The following FNIP1 variants were observed in gnomAD, a reference collection of about 807,000 sequenced individuals.
FNIP1 encodes the protein folliculin interacting protein 1.
A neutral mutation model predicts 124.5 loss-of-function variants in FNIP1; 40 were observed. The observed-to-expected ratio is 0.32, with a 90% confidence interval of 0.25 to 0.42. The LOEUF is 0.42. Among genes scored for constraint, FNIP1 ranks in the 10% least tolerant of loss-of-function variants. The pLI, the probability that FNIP1 is intolerant of heterozygous loss-of-function variation, is 1.00. For synonymous variants in FNIP1, 472 were observed against 470.6 expected (o/e 1.00, Z -0.04); for missense variants, 1,176 against 1,403.7 (o/e 0.84, Z 2.59).
Position 131,671,867 on chromosome 5 carries a change from A to T in FNIP1, c.2577T>A (p.Asp859Glu). The T allele has an allele frequency of 6.2e-7, 1 of 1,614,084 alleles. No homozygotes were observed. The highest frequency in any genetic ancestry group is 8.5e-7 in the Non-Finnish European group (1 of 1,180,020). The change falls in exon 14 of 18, where the codon GAT becomes GAA. Residue 859 changes from aspartate to glutamate, a missense_variant. Transcript: ENST00000510461. Reference sequence around the variant, plus strand: ...CTAACATACAGCAATGGTCTTTACTATCTGTACTTGTTTTAAATGGAACAT... The same window carrying T: ...CTAACATACAGCAATGGTCTTTACTTTCTGTACTTGTTTTAAATGGAACAT... ...IDDVPFKTST[D>E]SKDHCCMLEF...
At chr5:131,688,393 T>C (rs796635761) in intron 11 of FNIP1, among the ~76,000 whole-genome samples, 9 of 151,766 alleles carry the variant, frequency 5.9e-5, no homozygotes, top group African/African-American at 2.2e-4. Flanking sequence ...TAGGTTAATA[T>C]AAAACTTCAT....
chr5:131,650,996 G>A (rs576290629), intron 16 of FNIP1, among the ~76,000 whole-genome samples: 1 of 152,212 alleles, frequency 6.6e-6, no homozygotes, highest in Admixed American at 6.5e-5. Context: ...CAAAAATTCT[G>A]GCTGCTGAAA....
rs544702577 is a variant in FNIP1, at chr5:131,792,451, G to A, written c.92+4379C>T. ...GCTGGGATTACAGGCATGAGCCACC[G>A]TGCCCAGCCACAATTGGCACTTTTT... On this transcript the variant is annotated intron_variant, in intron 1 of 17. Transcript: ENST00000510461. 7.9e-5 allele frequency among the ~76,000 whole-genome samples: 12 copies of A among 152,230 alleles called. No individual in the cohort carries two copies. The South Asian group carries it at 1.5e-3, about 18-fold the overall frequency.
At chr5:131,683,235 C>T (rs1768148236) in intron 11 of FNIP1, among the ~76,000 whole-genome samples, 1 of 151,960 alleles carries the variant, frequency 6.6e-6, no homozygotes, top group African/African-American at 2.4e-5. Flanking sequence ...TGCTCAAATC[C>T]CTTATGAAAT....
intron 13 of FNIP1, among the ~76,000 whole-genome samples, chr5:131,675,369 G>C (rs1335376689): frequency 6.6e-6 from 1 of 152,116 alleles, no homozygotes; most frequent in East Asian, 1.9e-4. Flanking sequence ...GACTTCTTGA[G>C]GGCAATTTCC....
intron 11 of FNIP1, among the ~76,000 whole-genome samples, chr5:131,692,934 G>A (rs562551080): frequency 6.6e-6 from 1 of 151,938 alleles, no homozygotes; most frequent in African/African-American, 2.4e-5. Flanking sequence ...CTTGAACCCA[G>A]GAGGTGGAAG....
intron 1 of FNIP1, among the ~76,000 whole-genome samples, chr5:131,767,658 A>T (rs1771484140): frequency 6.6e-6 from 1 of 152,242 alleles, no homozygotes; most frequent in African/African-American, 2.4e-5. Flanking sequence ...ACTTTGCTAA[A>T]CAAGTGAGTA....
At chr5:131,765,856 T>C (rs1248937293) in intron 1 of FNIP1, among the ~76,000 whole-genome samples, 1 of 152,214 alleles carries the variant, frequency 6.6e-6, no homozygotes, top group African/African-American at 2.4e-5. Context: ...TTTTGTCACA[T>C]AAATTTTCAT....
chr5:131,776,429 T>C (rs140787878), intron 1 of FNIP1, among the ~76,000 whole-genome samples: 2 of 152,288 alleles, frequency 1.3e-5, no homozygotes, highest in East Asian at 3.9e-4. Flanking sequence ...AAGACATATA[T>C]AAAAATATTC....
At position 131,777,966 on chromosome 5, in the gene FNIP1, G is replaced by T. The variant is rs1371365196; in HGVS notation, c.92+18864C>A. Among the ~76,000 whole-genome samples the T allele has an allele frequency of 2.0e-5, 3 of 152,312 alleles. No homozygotes were observed. In the East Asian group the frequency reaches 5.8e-4, roughly 29 times the overall value. Reference sequence around the variant, plus strand: ...GGATGCTAAAACCATGAGGTGAATGGTTGATAGGCAACCCTATAATGGCAG... The same window carrying T: ...GGATGCTAAAACCATGAGGTGAATGTTTGATAGGCAACCCTATAATGGCAG... On this transcript the variant is annotated intron_variant, in intron 1 of 17. Transcript: ENST00000510461.
intron 14 of FNIP1, 69 bp downstream of exon 14, chr5:131,671,436 A>G (rs988195572): frequency 9.6e-6 from 12 of 1,249,136 alleles, no homozygotes; most frequent in Non-Finnish European, 7.8e-6. Context: ...TAACCTTCAG[A>G]GAACAGCTAA....
chr5:131,769,741 A>G (rs936203858), intron 1 of FNIP1, among the ~76,000 whole-genome samples: 3 of 152,236 alleles, frequency 2.0e-5, no homozygotes, highest in Non-Finnish European at 4.4e-5. Context: ...ATCCAGTCCT[A>G]CCATTTCACA....
intron 11 of FNIP1, among the ~76,000 whole-genome samples, chr5:131,688,880 A>G (rs1025564598): frequency 2.6e-5 from 4 of 151,952 alleles, no homozygotes; most frequent in African/African-American, 7.2e-5. Context: ...GTACAATTAC[A>G]AAAGTATACA....
At chr5:131,745,034 A>G (rs1033542189) in intron 1 of FNIP1, among the ~76,000 whole-genome samples, 1 of 152,002 alleles carries the variant, frequency 6.6e-6, no homozygotes. Flanking sequence ...GACCAAGATG[A>G]CATAATAAGG....
chr5:131,659,502 G>A lies in FNIP1; in HGVS notation c.3109-7503C>T, dbSNP rs549991178. Among the ~76,000 whole-genome samples the A allele has an allele frequency of 1.9e-4, 29 of 152,288 alleles. No individual in the cohort carries two copies. The South Asian group carries it at 5.4e-3, about 28-fold the overall frequency. ...TCCTTGATGTCACACACGATTTCCC[G>A]CTCGGCCATGGTGGTAAAGCTGTAG... On this transcript the variant is annotated intron_variant, in intron 15 of 17. Transcript: ENST00000510461.
At chr5:131,737,220 C>G (rs529441426) in intron 2 of FNIP1, among the ~76,000 whole-genome samples, 333 of 152,306 alleles carry the variant, frequency 2.2e-3, no homozygotes, top group African/African-American at 5.9e-3. Flanking sequence ...CCCCTCATTA[C>G]AGGACCATCT....
intron 9 of FNIP1, among the ~76,000 whole-genome samples, 159 bp downstream of exon 9, chr5:131,706,252 T>C (rs1769108444): frequency 6.6e-6 from 1 of 152,232 alleles, no homozygotes; most frequent in South Asian, 2.1e-4. Flanking sequence ...TAACTTGTTA[T>C]GTATAACTTA....
intron 1 of FNIP1, among the ~76,000 whole-genome samples, chr5:131,771,688 T>A (rs3775992): frequency 3.3e-5 from 5 of 151,378 alleles, no homozygotes; most frequent in South Asian, 2.1e-4. Context: ...CCTCTCCCTC[T>A]CCACGTCTAC....
rs762794265 is a variant in FNIP1, at chr5:131,644,411, A to C, written c.*274T>G. 10 of 270,406 alleles carry C rather than the reference A, an allele frequency of 3.7e-5. No homozygotes were observed. The highest frequency in any genetic ancestry group is 6.3e-5 in the Non-Finnish European group (9 of 141,760). The allele number at this position is 270,406 out of a possible 1,614,324, so 16.8% of individuals were successfully genotyped here. ...TCTTGATAATATTCATTTTGTAGAA[A>C]TTTCTACCGTACACTTTGGCTTTTT... is the stretch of plus-strand genomic sequence containing the variant. On this transcript the variant is annotated 3_prime_UTR_variant, in exon 18 of 18. Coordinates refer to ENST00000510461, the MANE Select transcript of FNIP1 (RefSeq NM_133372.3).
Sources: allele counts gnomAD v4.1 joint callset (sites outside exome capture counted in the v4.1 genomes callset), GRCh38; gene constraint gnomAD v4.1.1; transcripts MANE v1.5; gene names NCBI Gene and HGNC (gene_info 2026-07-23, HGNC 2026-07-21).